Variants in MMP2 observed in about 807,000 individuals in gnomAD.
MMP2 encodes 72 kDa type IV collagenase.
MMP2 carries 39 observed loss-of-function variants against 74.8 expected under a neutral mutation model. That is an observed-to-expected ratio of 0.52 (90% CI 0.40 to 0.68). MMP2 has a LOEUF of 0.68. MMP2 is among the 30% of genes least tolerant of loss of function. The pLI, the probability that MMP2 is intolerant of heterozygous loss-of-function variation, is 0.00. For synonymous variants in MMP2, 367 were observed against 339.8 expected (o/e 1.08, Z -0.88); for missense variants, 803 against 878.3 (o/e 0.91, Z 1.08).
In MMP2 at chr16:55,479,581, C is replaced by G; in HGVS notation, c.102C>G (p.Ile34Met). 6.2e-7 allele frequency: 1 copy of G among 1,613,670 alleles called. No homozygotes were observed. Among genetic ancestry groups the G allele is most frequent in the Non-Finnish European group, 8.5e-7 (1 of 1,180,006 alleles). The part of the protein sequence containing the change: ...LSHAAAAPSP[I>M]IKFPGDVAPK... ...ACGCCGCCGCCGCGCCGTCGCCCATCATCAAGTTCCCCGGCGATGTCGCCC... is the reference window on the plus strand; with the variant it reads ...ACGCCGCCGCCGCGCCGTCGCCCATGATCAAGTTCCCCGGCGATGTCGCCC... Residue 34 changes from isoleucine (I) to methionine (M), a missense_variant, in exon 1 of 13, where the codon ATC (isoleucine) becomes ATG (methionine). Physicochemically the swap from Ile to Met is conservative, Grantham distance 10. Around this residue, in one of 3 missense-constraint regions of MMP2, gnomAD observed 223 missense variants for 232.8 expected, o/e 0.96. Coordinates refer to ENST00000219070, the MANE Select transcript of MMP2 (RefSeq NM_004530.6).
chr16:55,488,786 A>T, intron 6 of MMP2, 70 bp downstream of exon 6: 1 of 1,489,240 alleles, frequency 6.7e-7, no homozygotes. Flanking sequence ...AACCCATAAG[A>T]CTCCGAGTGC....
rs1438606650 is a variant in MMP2 at position 55,485,252 on chromosome 16, G to C, written c.530-47G>C. 6.2e-6 allele frequency: 10 copies of C among 1,613,926 alleles called. 1 individual carries two copies. In the South Asian group the frequency reaches 1.1e-4, roughly 18 times the overall value. On this transcript the variant is annotated intron_variant, in intron 3 of 12. Coordinates refer to ENST00000219070, the MANE Select transcript of MMP2 (RefSeq NM_004530.6). Reference sequence around the variant, plus strand: ...GTAGATGGGGTGTGGAGGGGTTTCAGGGTCTAGGTGGCACAGCTAGACGCT... The same window carrying C: ...GTAGATGGGGTGTGGAGGGGTTTCACGGTCTAGGTGGCACAGCTAGACGCT...
In MMP2 at chr16:55,485,364, A is replaced by T; in HGVS notation, c.595A>T (p.Thr199Ser). Reference protein sequence around the residue: ...GLLAHAFAPGTGVGGDSHFDD... With the variant: ...GLLAHAFAPGSGVGGDSHFDD... ...CCTGGCTCATGCCTTCGCCCCAGGC[A>T]CTGGTGTTGGGGGAGACTCCCATTT... is the stretch of plus-strand genomic sequence containing the variant. Residue 199 changes from threonine (T) to serine (S), a missense_variant, in exon 4 of 13, where the codon ACT (threonine) becomes TCT (serine). Physicochemically the swap from Thr to Ser is moderately conservative, Grantham distance 58. Coordinates refer to ENST00000219070, the MANE Select transcript of MMP2 (RefSeq NM_004530.6). The T allele has an allele frequency of 6.2e-7, 1 of 1,614,042 alleles. No homozygotes were observed. The highest frequency in any genetic ancestry group is 2.2e-5 in the East Asian group (1 of 44,862).
Position 55,479,516 on chromosome 16 carries a change from C to A in MMP2, c.37C>A (p.Pro13Thr). Residue 13 changes from proline (P) to threonine (T), a missense_variant, in exon 1 of 13, where the codon CCC (proline) becomes ACC (threonine). By Grantham distance (38) the Pro-to-Thr change is conservative. This residue lies in a region of MMP2 where 223 missense variants were observed against 232.8 expected (regional missense o/e 0.96). Coordinates refer to ENST00000219070, the MANE Select transcript of MMP2 (RefSeq NM_004530.6). ...ALMARGALTG[P>T]LRALCLLGCL... ...AATGGCCCGGGGCGCGCTCACGGGT[C>A]CCCTGAGGGCGCTCTGTCTCCTGGG... 2 of 1,602,574 alleles carry A rather than the reference C, an allele frequency of 1.2e-6. No individual in the cohort carries two copies. Among genetic ancestry groups the A allele is most frequent in the East Asian group, 2.3e-5 (1 of 44,296 alleles).
intron 9 of MMP2, among the ~76,000 whole-genome samples, chr16:55,494,710 G>A (rs1407961049): frequency 2.6e-5 from 4 of 152,222 alleles, no homozygotes; most frequent in African/African-American, 9.6e-5. Context: ...ATTAAAGTTT[G>A]TGCATCACAA....
At chr16:55,499,756 T>C (rs1962619424) in intron 11 of MMP2, among the ~76,000 whole-genome samples, 1 of 152,222 alleles carries the variant, frequency 6.6e-6, no homozygotes, top group Non-Finnish European at 1.5e-5. Flanking sequence ...GCTACTTCTC[T>C]TGTATTCTAA....
chr16:55,484,197 C>T (rs1962182460), intron 3 of MMP2, 33 bp downstream of exon 3: 1 of 1,609,548 alleles, frequency 6.2e-7, no homozygotes, highest in Non-Finnish European at 8.5e-7. Context: ...GAGGGGCCAG[C>T]AGGGATCAGT....
intron 7 of MMP2, 146 bp from the exon 8 acceptor site, chr16:55,491,653 GAA>G (rs143321576): frequency 4.5e-6 from 4 of 895,430 alleles, no homozygotes; most frequent in Non-Finnish European, 6.9e-6. Flanking sequence ...CTCAGGAAAA[GAA>G]AAAAAAAATC....
chr16:55,493,842 G>A (rs2142362076), intron 9 of MMP2, among the ~76,000 whole-genome samples: 1 of 152,304 alleles, frequency 6.6e-6, no homozygotes, highest in South Asian at 2.1e-4. Context: ...GCCCTCAAAT[G>A]GCCAAATTAC....
intron 9 of MMP2, among the ~76,000 whole-genome samples, chr16:55,494,822 A>G (rs1962495283): frequency 6.6e-6 from 1 of 152,240 alleles, no homozygotes; most frequent in Admixed American, 6.5e-5. Flanking sequence ...CAGTCAAGGA[A>G]GGCTTCACAG....
chr16:55,481,573 C>T (rs1962101074), intron 1 of MMP2: 1 of 373,848 alleles, frequency 2.7e-6, no homozygotes, highest in Non-Finnish European at 4.8e-6. Context: ...TGCCTGCCCT[C>T]CTGGGAATGA....
At chr16:55,491,990 T>TGGGG in intron 8 of MMP2, 34 bp downstream of exon 8, 2 of 1,305,580 alleles carry the variant, frequency 1.5e-6, no homozygotes, top group Non-Finnish European at 2.1e-6. Flanking sequence ...GGGTGGAGGG[T>TGGGG]GAGGAGGGGG....
At position 55,505,698 on chromosome 16, in the gene MMP2, A is replaced by C; in HGVS notation, c.*256A>C. 1 of 558,804 alleles carries C rather than the reference A, an allele frequency of 1.8e-6. No individual in the cohort carries two copies. Among genetic ancestry groups the C allele is most frequent in the Non-Finnish European group, 3.2e-6 (1 of 311,022 alleles). 34.6% of individuals were successfully genotyped at this position (558,804 alleles called of 1,614,324 possible). ...CCAACCCTCAGAGCCACCCCTAAAGAGATACTTTGATATTTTCAACGCAGC... is the reference window on the plus strand; with the variant it reads ...CCAACCCTCAGAGCCACCCCTAAAGCGATACTTTGATATTTTCAACGCAGC... On this transcript the variant is annotated 3_prime_UTR_variant, in exon 13 of 13. Coordinates refer to ENST00000219070, the MANE Select transcript of MMP2 (RefSeq NM_004530.6).
intron 1 of MMP2, chr16:55,481,550 G>T (rs1328659291): frequency 4.3e-5 from 14 of 323,020 alleles, no homozygotes; most frequent in Non-Finnish European, 7.9e-5. Flanking sequence ...CTCATTCTGT[G>T]ACTAAGAATG....
chr16:55,490,069 T>A (rs1164303403), intron 7 of MMP2, among the ~76,000 whole-genome samples: 2 of 152,114 alleles, frequency 1.3e-5, no homozygotes, highest in Non-Finnish European at 2.9e-5. Context: ...GTAGACCAGA[T>A]GCTGCTACTC....
intron 6 of MMP2, among the ~76,000 whole-genome samples, chr16:55,489,391 G>T (rs1307299348): frequency 6.6e-6 from 1 of 152,200 alleles, no homozygotes; most frequent in Non-Finnish European, 1.5e-5. Flanking sequence ...TTGAATTGCA[G>T]CTCTGATACT....
chr16:55,495,293 T>C (rs1962505002), intron 9 of MMP2, among the ~76,000 whole-genome samples: 1 of 152,216 alleles, frequency 6.6e-6, no homozygotes, highest in South Asian at 2.1e-4. Context: ...AGATCTCAGA[T>C]GTGTGGGGCC....
chr16:55,483,992 C>G, intron 2 of MMP2, 24 bp from the exon 3 acceptor site: 10 of 1,613,182 alleles, frequency 6.2e-6, no homozygotes, highest in Non-Finnish European at 7.6e-6. Flanking sequence ...CATACACACT[C>G]ACATGCAGTT....
rs762911486 is a variant in MMP2, at chr16:55,491,869, C to A, written c.1249C>A (p.Pro417Thr). The A allele has an allele frequency of 6.2e-7, 1 of 1,614,204 alleles. No individual in the cohort carries two copies. Among genetic ancestry groups the A allele is most frequent in the South Asian group, 1.1e-5 (1 of 91,090 alleles). The change falls in exon 8 of 13, where the codon CCT becomes ACT. Residue 417 changes from proline to threonine, a missense_variant. Pro to Thr is a conservative substitution (Grantham distance 38). This residue lies in a region of MMP2 where 555 missense variants were observed against 592.0 expected (regional missense o/e 0.94). Transcript: ENST00000219070. ...CATGGGGCTGGAGCACTCCCAAGACCCTGGGGCCCTGATGGCACCCATTTA... is the reference window on the plus strand; with the variant it reads ...CATGGGGCTGGAGCACTCCCAAGACACTGGGGCCCTGATGGCACCCATTTA... ...HAMGLEHSQD[P>T]GALMAPIYTY... is the part of the protein sequence containing the mutation.
Sources: allele counts gnomAD v4.1 joint callset (sites outside exome capture counted in the v4.1 genomes callset), GRCh38; gene constraint gnomAD v4.1.1; regional missense constraint gnomAD v4.1.1; transcripts MANE v1.5; gene names NCBI Gene and HGNC (gene_info 2026-07-23, HGNC 2026-07-21).